Variants in THSD7A observed in about 807,000 individuals in gnomAD.
The protein encoded by THSD7A is thrombospondin type 1 domain containing 7A.
THSD7A carries 96 observed loss-of-function variants against 231.3 expected under a neutral mutation model. The observed-to-expected ratio is 0.41, with a 90% confidence interval of 0.35 to 0.49. THSD7A has a LOEUF of 0.49. THSD7A is among the 20% of genes least tolerant of loss of function. THSD7A has a pLI of 0.05. For synonymous variants in THSD7A, 940 were observed against 743.3 expected, an observed-to-expected ratio of 1.26 and a Z score of -4.30; for missense variants, 2,290 against 2,070.2, an observed-to-expected ratio of 1.11 and a Z score of -2.06.
chr7:11,802,810 C>T (rs1488163305), intron 1 of THSD7A, among the ~76,000 whole-genome samples: 1 of 152,098 alleles, frequency 6.6e-6, no homozygotes, highest in Admixed American at 6.6e-5. Context: ...TTCAATCCAT[C>T]CATGCAGATT....
Position 11,371,230 on chromosome 7 carries a change from C to T in THSD7A, c.*4564G>A, listed in dbSNP as rs1325630045. 1.3e-5 allele frequency: 2 copies of T among 152,144 alleles called. No individual in the cohort carries two copies. Among genetic ancestry groups the T allele is most frequent in the Non-Finnish European group, 2.9e-5 (2 of 68,026 alleles). The allele number at this position is 152,144 out of a possible 1,614,324, so 9.4% of individuals were successfully genotyped here. A position where few individuals can be genotyped will look rare whatever the true frequency, so the allele number is the denominator to read the frequency against. ...CCTGCTAGATATAAAATTATTATAA[C>T]ACACTGCAAACCATCCTTTTTATAA... On this transcript the variant is annotated 3_prime_UTR_variant, in exon 28 of 28. Transcript: ENST00000423059.
intron 1 of THSD7A, among the ~76,000 whole-genome samples, chr7:11,759,920 C>T (rs1782801304): frequency 6.6e-6 from 1 of 151,930 alleles, no homozygotes; most frequent in African/African-American, 2.4e-5. Flanking sequence ...TTTGGAGAAA[C>T]AGTACATATA....
At chr7:11,804,569 A>G (rs1042123784) in intron 1 of THSD7A, among the ~76,000 whole-genome samples, 3 of 152,182 alleles carry the variant, frequency 2.0e-5, no homozygotes, top group Admixed American at 6.6e-5. Context: ...ACAAAGTGCT[A>G]TATACAGTGT....
intron 1 of THSD7A, among the ~76,000 whole-genome samples, chr7:11,657,835 T>G (rs1406541883): frequency 6.6e-6 from 1 of 151,776 alleles, no homozygotes; most frequent in African/African-American, 2.4e-5. Flanking sequence ...AAATTCTTGG[T>G]GAACTGCAAG....
intron 1 of THSD7A, among the ~76,000 whole-genome samples, chr7:11,651,614 C>T (rs2128368808): frequency 6.6e-6 from 1 of 151,900 alleles, no homozygotes; most frequent in South Asian, 2.1e-4. Flanking sequence ...AGCAACATTA[C>T]CTCAAGGTTC....
chr7:11,476,118 T>C (rs559539828), intron 7 of THSD7A, among the ~76,000 whole-genome samples: 1 of 152,078 alleles, frequency 6.6e-6, no homozygotes, highest in South Asian at 2.1e-4. Flanking sequence ...ATTTTTAACT[T>C]TTTGTTCAAA....
chr7:11,787,432 T>G (rs946650657), intron 1 of THSD7A, among the ~76,000 whole-genome samples: 1 of 152,054 alleles, frequency 6.6e-6, no homozygotes, highest in African/African-American at 2.4e-5. Context: ...AAATTAAAAT[T>G]TATTCTCTGG....
rs551778884 is a variant in THSD7A, at chr7:11,681,588, A to T, written c.191-44627T>A. 6.8e-3 allele frequency among the ~76,000 whole-genome samples: 1,041 copies of T among 152,042 alleles called. 10 individuals are homozygous for T. Among genetic ancestry groups the T allele is most frequent in the African/African-American group, 0.023 (969 of 41,520 alleles). Reference sequence around the variant, plus strand: ...AATAATTTTTTTTTAAGAAGACAAAATTTTCTGAGAACTATGGGATGATGC... The same window carrying T: ...AATAATTTTTTTTTAAGAAGACAAATTTTTCTGAGAACTATGGGATGATGC... On this transcript the variant is annotated intron_variant, in intron 1 of 27. Transcript: ENST00000423059.
intron 6 of THSD7A, among the ~76,000 whole-genome samples, chr7:11,486,752 T>A (rs78573816): frequency 0.13 from 20,229 of 152,194 alleles, 1,961 homozygotes; most frequent in African/African-American, 0.28. Flanking sequence ...CATAAATGGT[T>A]TCAAAGGATT....
At chr7:11,556,876 T>A (rs1195510375) in intron 4 of THSD7A, among the ~76,000 whole-genome samples, 1 of 152,016 alleles carries the variant, frequency 6.6e-6, no homozygotes, top group Non-Finnish European at 1.5e-5. Flanking sequence ...TTTCTCTGGA[T>A]GCTTTCAAAT....
At chr7:11,386,544 C>T (rs1051823313) in intron 23 of THSD7A, among the ~76,000 whole-genome samples, 1 of 152,182 alleles carries the variant, frequency 6.6e-6, no homozygotes, top group Non-Finnish European at 1.5e-5. Flanking sequence ...ATTCTTTGCT[C>T]ACTTTTTGAT....
intron 1 of THSD7A, among the ~76,000 whole-genome samples, chr7:11,693,156 G>C (rs953242591): frequency 3.3e-5 from 5 of 151,468 alleles, no homozygotes; most frequent in Non-Finnish European, 5.9e-5. Context: ...AGAATTTAAA[G>C]TAGGAAAAAA....
At chr7:11,461,889 A>T (rs1256710230) in intron 10 of THSD7A, 122 bp downstream of exon 10, 2 of 1,281,414 alleles carry the variant, frequency 1.6e-6, no homozygotes, top group East Asian at 2.4e-5. Context: ...AGCCATAAAC[A>T]TCCCAACTCC....
At chr7:11,736,143 T>G (rs2128159168) in intron 1 of THSD7A, among the ~76,000 whole-genome samples, 1 of 152,068 alleles carries the variant, frequency 6.6e-6, no homozygotes, top group South Asian at 2.1e-4. Context: ...TAAGTGAATA[T>G]TTTTCTAAAG....
At chr7:11,425,173 C>G (rs1336933870) in intron 15 of THSD7A, among the ~76,000 whole-genome samples, 1 of 152,146 alleles carries the variant, frequency 6.6e-6, no homozygotes, top group African/African-American at 2.4e-5. Context: ...GACTTCAATA[C>G]TAGCCCAGGG....
intron 11 of THSD7A, among the ~76,000 whole-genome samples, chr7:11,450,840 A>G (rs961877963): frequency 6.6e-6 from 1 of 151,992 alleles, no homozygotes; most frequent in African/African-American, 2.4e-5. Context: ...GATGGGAAAA[A>G]GTCATGTTAC....
chr7:11,776,945 G>A (rs1783425178), intron 1 of THSD7A, among the ~76,000 whole-genome samples: 1 of 152,110 alleles, frequency 6.6e-6, no homozygotes, highest in South Asian at 2.1e-4. Context: ...TGTAGATTTT[G>A]CAGTTGATTT....
chr7:11,604,877 CAT>C (rs1430400820), intron 2 of THSD7A, among the ~76,000 whole-genome samples: 1 of 152,064 alleles, frequency 6.6e-6, no homozygotes, highest in Non-Finnish European at 1.5e-5. Context: ...CTCAGGATGG[CAT>C]ATATGCTTCT....
At chr7:11,713,683 C>A (rs1361622192) in intron 1 of THSD7A, among the ~76,000 whole-genome samples, 1 of 151,142 alleles carries the variant, frequency 6.6e-6, no homozygotes. Context: ...ATTAAAGAAG[C>A]CAGATGATCA....
Sources: gnomAD v4.1 joint callset for allele counts (sites outside exome capture counted in the v4.1 genomes callset) on GRCh38, gnomAD v4.1.1 for gene constraint, MANE v1.5 for transcripts, NCBI Gene and HGNC (gene_info 2026-07-23, HGNC 2026-07-21) for gene names.